The following EYS variants were observed in gnomAD, a reference collection of about 807,000 sequenced individuals.
The protein encoded by EYS is protein eyes shut homolog.
A neutral mutation model predicts 282.1 loss-of-function variants in EYS; 250 were observed. The ratio of observed to expected loss-of-function variants is 0.89; its 90% CI spans 0.80 to 0.98. The LOEUF is 0.98. EYS is among the 50% of genes least tolerant of loss of function. The probability of loss-of-function intolerance (pLI) is 0.00; values close to 1 mark genes in which losing one functional copy is unlikely to be tolerated. For missense variants in EYS, 4,016 were observed against 3,709.0 expected (o/e 1.08, Z -2.15); for synonymous variants, 1,355 against 1,282.9 (o/e 1.06, Z -1.20).
chr6:63,826,845 C>CAAAAAAAAAAAAAAAAAAATAAAAAAA (rs59957107), intron 36 of EYS, among the ~76,000 whole-genome samples: 1 of 76,762 alleles, frequency 1.3e-5, no homozygotes, highest in East Asian at 4.1e-4. Context: ...AGTTAAAAAG[C>CAAAAAAAAAAAAAAAAAAATAAAAAAA]AAAAAAAAAA....
intron 12 of EYS, among the ~76,000 whole-genome samples, chr6:65,184,463 A>G (rs898444446): frequency 6.6e-6 from 1 of 151,872 alleles, no homozygotes; most frequent in Non-Finnish European, 1.5e-5. Context: ...TAAAAATGGC[A>G]ATTAAATTTC....
At chr6:63,983,312 T>C (rs1767191965) in intron 35 of EYS, among the ~76,000 whole-genome samples, 1 of 151,864 alleles carries the variant, frequency 6.6e-6, no homozygotes, top group African/African-American at 2.4e-5. Context: ...GCCTGACTTT[T>C]CCACTAACCA....
At chr6:65,348,766 T>C (rs2150323613) in intron 9 of EYS, among the ~76,000 whole-genome samples, 1 of 151,708 alleles carries the variant, frequency 6.6e-6, no homozygotes, top group South Asian at 2.1e-4. Context: ...GCTTGTGGGG[T>C]ATTACTCAAG....
At chr6:64,643,778 T>C (rs1768255602) in intron 22 of EYS, among the ~76,000 whole-genome samples, 1 of 152,254 alleles carries the variant, frequency 6.6e-6, no homozygotes, top group Non-Finnish European at 1.5e-5. Flanking sequence ...AGCTCTTTCT[T>C]TGCCTGCTGC....
intron 26 of EYS, among the ~76,000 whole-genome samples, chr6:64,574,250 C>T (rs374608223): frequency 9.2e-5 from 14 of 151,928 alleles, no homozygotes; most frequent in East Asian, 3.9e-4. Flanking sequence ...CACAGGGAGA[C>T]GAACATCACA....
At chr6:64,666,086 TGGAGAGTGA>T (rs1471289375) in intron 22 of EYS, among the ~76,000 whole-genome samples, 7 of 152,028 alleles carry the variant, frequency 4.6e-5, no homozygotes, top group African/African-American at 1.4e-4. Context: ...GGTCTAAGTG[TGGAGAGTGA>T]GGAGAGTGAG....
chr6:63,796,324 G>A (rs1032365439), intron 37 of EYS, among the ~76,000 whole-genome samples: 5 of 152,084 alleles, frequency 3.3e-5, no homozygotes, highest in Non-Finnish European at 1.5e-5. Context: ...GCTGTTCCTC[G>A]GATTGTTCTG....
At chr6:63,759,097 A>G (rs955139081) in intron 41 of EYS, among the ~76,000 whole-genome samples, 1 of 152,122 alleles carries the variant, frequency 6.6e-6, no homozygotes, top group Admixed American at 6.6e-5. Flanking sequence ...GCTATCTTGA[A>G]TGGAAATGAA....
At chr6:65,506,056 C>G (rs114440245) in intron 2 of EYS, among the ~76,000 whole-genome samples, 119 of 152,158 alleles carry the variant, frequency 7.8e-4, no homozygotes, top group African/African-American at 2.8e-3. Flanking sequence ...TTTGGCATAA[C>G]GTTGCTAGGT....
At chr6:64,411,199 A>G (rs1356321911) in intron 28 of EYS, among the ~76,000 whole-genome samples, 1 of 152,154 alleles carries the variant, frequency 6.6e-6, no homozygotes, top group African/African-American at 2.4e-5. Context: ...TAACCTGACC[A>G]TTCACAAATT....
chr6:65,029,637 C>A (rs527658113), intron 13 of EYS, among the ~76,000 whole-genome samples: 1 of 152,014 alleles, frequency 6.6e-6, no homozygotes, highest in African/African-American at 2.4e-5. Flanking sequence ...CCTCCGAGGT[C>A]TATTCAATTT....
At chr6:64,158,352 A>G (rs1208897918) in intron 31 of EYS, among the ~76,000 whole-genome samples, 1 of 151,626 alleles carries the variant, frequency 6.6e-6, no homozygotes, top group Non-Finnish European at 1.5e-5. Flanking sequence ...TGTTTTTTTC[A>G]TGTAAAAGTG....
At chr6:64,661,547 A>G (rs1769021001) in intron 22 of EYS, among the ~76,000 whole-genome samples, 1 of 152,160 alleles carries the variant, frequency 6.6e-6, no homozygotes, top group Admixed American at 6.6e-5. Context: ...ACAAGAAAAA[A>G]ACAACCCCAT....
intron 34 of EYS, among the ~76,000 whole-genome samples, chr6:63,996,132 G>A (rs571879996): frequency 1.3e-5 from 2 of 151,322 alleles, no homozygotes; most frequent in African/African-American, 4.8e-5. Flanking sequence ...TAGATATTAT[G>A]GAATATTCAA....
In EYS at chr6:65,459,968, TTATATATATATATATA is replaced by T. The variant is rs34762215; in HGVS notation, c.862+30610_862+30625del. 7.8e-3 allele frequency among the ~76,000 whole-genome samples: 631 copies of T among 80,668 alleles called. 14 individuals carry two copies. The highest frequency in any genetic ancestry group is 0.022 in the African/African-American group (555 of 25,516). 52.9% of individuals were successfully genotyped at this position (80,668 alleles called of 152,430 possible). On this transcript the variant is annotated intron_variant, in intron 5 of 42. Coordinates refer to ENST00000503581, the MANE Select transcript of EYS (RefSeq NM_001142800.2). ...GTGTGTGTGTGTGTGTTTGTGTATT[TTATATATATATATATA>T]TATATATATATATATATATATATAA... is the stretch of plus-strand genomic sequence containing the variant.
At chr6:64,115,733 T>C (rs760018510) in intron 31 of EYS, among the ~76,000 whole-genome samples, 7 of 152,210 alleles carry the variant, frequency 4.6e-5, no homozygotes, top group Non-Finnish European at 1.0e-4. Context: ...TGAAGAAGAC[T>C]GTTCTATTAA....
intron 21 of EYS, among the ~76,000 whole-genome samples, chr6:64,819,708 C>T (rs946045196): frequency 6.6e-6 from 1 of 151,660 alleles, no homozygotes; most frequent in Middle Eastern, 3.4e-3. Context: ...AGCAGCAAAG[C>T]CCAGTTAGGA....
intron 8 of EYS, among the ~76,000 whole-genome samples, chr6:65,356,282 T>C (rs1347652442): frequency 6.6e-6 from 1 of 152,092 alleles, no homozygotes; most frequent in Non-Finnish European, 1.5e-5. Flanking sequence ...GCAATTGTTT[T>C]TGTTCTTGTT....
At chr6:65,673,957 G>A (rs1262598447) in intron 1 of EYS, among the ~76,000 whole-genome samples, 1 of 151,906 alleles carries the variant, frequency 6.6e-6, no homozygotes, top group Admixed American at 6.6e-5. Context: ...GTGTAGGGAA[G>A]GGAGGGGGTG....
Sources: gnomAD v4.1 joint callset for allele counts (sites outside exome capture counted in the v4.1 genomes callset) on GRCh38, gnomAD v4.1.1 for gene constraint, MANE v1.5 for transcripts, NCBI Gene and HGNC (gene_info 2026-07-23, HGNC 2026-07-21) for gene names.